Variants in DMD observed in about 807,000 individuals in gnomAD.
The protein encoded by DMD is mutant dystrophin.
A neutral mutation model predicts 330.1 loss-of-function variants in DMD; 63 were observed. The observed-to-expected ratio is 0.19, with a 90% CI of 0.16 to 0.24. The LOEUF (loss-of-function observed/expected upper bound fraction) is 0.24. Among genes scored for constraint, DMD ranks in the 10% least tolerant of loss-of-function variants. The pLI is 1.00. For missense variants in DMD, 3,344 were observed against 2,684.1 expected (o/e 1.25, Z -5.43); for synonymous variants, 1,223 against 959.8 (o/e 1.27, Z -5.07).
intron 1 of DMD, among the ~76,000 whole-genome samples, chrX:33,183,116 A>T (rs759228753): frequency 8.9e-6 from 1 of 112,106 alleles, no homozygotes; most frequent in East Asian, 2.8e-4. Context: ...AACTATTTTA[A>T]ATCTTTTAAA....
chrX:33,157,872 G>A (rs935391027), intron 1 of DMD, among the ~76,000 whole-genome samples: 3 of 111,862 alleles, frequency 2.7e-5, no homozygotes, highest in Non-Finnish European at 5.6e-5. Context: ...CGGGAGAATC[G>A]CTTAAACCCA....
At chrX:32,582,976 G>A (rs915416490) in intron 13 of DMD, among the ~76,000 whole-genome samples, 1 of 111,563 alleles carries the variant, frequency 9.0e-6, no homozygotes, top group African/African-American at 3.3e-5. Flanking sequence ...ACTTCATTAA[G>A]TGCCAATTAA....
intron 7 of DMD, among the ~76,000 whole-genome samples, chrX:32,752,747 G>A (rs891872661): frequency 6.4e-5 from 7 of 109,228 alleles, no homozygotes; most frequent in African/African-American, 2.0e-4. Context: ...GAGGATCCCT[G>A]TGGGAGGTAA....
intron 29 of DMD, among the ~76,000 whole-genome samples, chrX:32,431,873 A>T (rs944006923): frequency 7.2e-5 from 8 of 110,872 alleles, no homozygotes; most frequent in East Asian, 2.8e-4. Context: ...CGTGTGAGTG[A>T]GTGTGTGTAT....
chrX:31,667,074 T>C (rs963364588), intron 53 of DMD, among the ~76,000 whole-genome samples: 8 of 111,653 alleles, frequency 7.2e-5, no homozygotes, highest in African/African-American at 2.6e-4. Context: ...TTGAGAACAT[T>C]TTATTTGCCC....
At chrX:32,835,495 G>A (rs1195596085) in intron 4 of DMD, among the ~76,000 whole-genome samples, 3 of 112,561 alleles carry the variant, frequency 2.7e-5, no homozygotes, top group Middle Eastern at 4.2e-3. Flanking sequence ...AGTTATCACT[G>A]CACTTAGAAG....
intron 51 of DMD, among the ~76,000 whole-genome samples, chrX:31,737,893 G>A (rs755024234): frequency 6.2e-4 from 69 of 111,514 alleles, no homozygotes; most frequent in Non-Finnish European, 1.0e-3. Flanking sequence ...AGGCATGAAC[G>A]TAAAATAAAG....
In DMD at chrX:31,442,717, T is replaced by C. The variant is rs139068057; in HGVS notation, c.9084+1764A>G. Among the ~76,000 whole-genome samples the C allele has an allele frequency of 2.3e-3, 261 of 111,328 alleles. 1 individual carries two copies. The highest frequency in any genetic ancestry group is 8.2e-3 in the African/African-American group (253 of 30,682). On this transcript the variant is annotated intron_variant, in intron 60 of 78. Transcript: ENST00000357033. ...CACTTATATGGGACTAATGTGGCCA[T>C]TGGTTTTCTTTGGACATTTATTACT...
At chrX:32,652,194 G>C (rs1011391060) in intron 9 of DMD, among the ~76,000 whole-genome samples, 2 of 109,776 alleles carry the variant, frequency 1.8e-5, no homozygotes, top group East Asian at 2.9e-4. Context: ...GTTCAGGTTT[G>C]TTACATATGT....
At chrX:31,936,981 G>A (rs1453504693) in intron 45 of DMD, among the ~76,000 whole-genome samples, 1 of 110,709 alleles carries the variant, frequency 9.0e-6, no homozygotes, top group Non-Finnish European at 1.9e-5. Context: ...GTCAATTATT[G>A]CAGCTTTAAA....
intron 2 of DMD, among the ~76,000 whole-genome samples, chrX:32,904,437 T>C (rs1339658019): frequency 9.0e-6 from 1 of 111,635 alleles, no homozygotes; most frequent in African/African-American, 3.3e-5. Flanking sequence ...TTTGGATAAG[T>C]GGGGTCAAGA....
chrX:31,759,847 A>G (rs903848613), intron 51 of DMD, among the ~76,000 whole-genome samples: 1 of 111,633 alleles, frequency 9.0e-6, no homozygotes, highest in African/African-American at 3.3e-5. Flanking sequence ...TTCACAAATT[A>G]TAGACATAGT....
Position 32,907,415 on chromosome X carries a change from A to G in DMD, c.94-57595T>C, listed in dbSNP as rs1000519161. ...CTTTTCTCATAATCTCCTTCCCTTC[A>G]TATCTCACTATAGATTGTACTAAAT... On this transcript the variant is annotated intron_variant, in intron 2 of 78. Transcript: ENST00000357033. 2.7e-5 allele frequency among the ~76,000 whole-genome samples: 3 copies of G among 111,978 alleles called. No homozygotes were observed. The East Asian group carries it at 8.3e-4, about 31-fold the overall frequency.
At chrX:31,514,480 C>T (rs1007964764) in intron 55 of DMD, among the ~76,000 whole-genome samples, 5 of 111,646 alleles carry the variant, frequency 4.5e-5, no homozygotes, top group African/African-American at 1.6e-4. Flanking sequence ...AAACTCATGG[C>T]AAAGTGCAGT....
chrX:32,394,916 C>CAAAAAAA (rs72234458), intron 30 of DMD, among the ~76,000 whole-genome samples: 4 of 39,024 alleles, frequency 1.0e-4, no homozygotes, highest in African/African-American at 1.6e-4. Flanking sequence ...AACAAAAAAA[C>CAAAAAAA]AAAAAAAAAA....
At chrX:31,153,934 T>A (rs963052633) in intron 74 of DMD, among the ~76,000 whole-genome samples, 4 of 112,251 alleles carry the variant, frequency 3.6e-5, no homozygotes, top group South Asian at 3.7e-4. Flanking sequence ...TTGATTTGAG[T>A]CTGAATTCTC....
chrX:31,676,544 T>G (rs1416148968), intron 53 of DMD, among the ~76,000 whole-genome samples: 2 of 112,169 alleles, frequency 1.8e-5, no homozygotes, highest in Non-Finnish European at 1.9e-5. Flanking sequence ...ATTTGTCAAT[T>G]AATAATTACA....
chrX:32,914,180 A>G, intron 2 of DMD, among the ~76,000 whole-genome samples: 1 of 112,335 alleles, frequency 8.9e-6, no homozygotes, highest in Middle Eastern at 4.6e-3. Context: ...CACAGACTGC[A>G]GAGGAAGAAA....
chrX:31,691,245 C>T (rs138733416), intron 52 of DMD, among the ~76,000 whole-genome samples: 221 of 111,131 alleles, frequency 2.0e-3, no homozygotes, highest in Non-Finnish European at 2.9e-3. Flanking sequence ...ATGTAAGCCT[C>T]GGAGTATCCA....
Sources: gnomAD v4.1 joint callset for allele counts (sites outside exome capture counted in the v4.1 genomes callset) on GRCh38, gnomAD v4.1.1 for gene constraint, MANE v1.5 for transcripts, NCBI Gene and HGNC (gene_info 2026-07-23, HGNC 2026-07-21) for gene names.